DPF3: variants seen among roughly 807,000 people sequenced by gnomAD.
DPF3 encodes zinc finger protein DPF3.
DPF3 carries 18 observed loss-of-function variants against 56.8 expected under a neutral mutation model. That is an observed-to-expected ratio of 0.32 (90% CI 0.22 to 0.47). The LOEUF is 0.47. Among genes scored for constraint, DPF3 ranks in the 20% least tolerant of loss-of-function variants. The probability of loss-of-function intolerance (pLI) is 1.00; values close to 1 mark genes in which losing one functional copy is unlikely to be tolerated. For synonymous variants in DPF3, 188 were observed against 180.2 expected, an observed-to-expected ratio of 1.04 and a Z score of -0.35; for missense variants, 403 against 488.8, an observed-to-expected ratio of 0.82 and a Z score of 1.65.
chr14:72,744,495 C>A (rs1890249712), intron 3 of DPF3, among the ~76,000 whole-genome samples: 1 of 152,120 alleles, frequency 6.6e-6, no homozygotes, highest in Non-Finnish European at 1.5e-5. Flanking sequence ...GCCCAGCTCC[C>A]CACTTTCCAG....
chr14:72,882,156 G>A (rs183664095), intron 1 of DPF3, among the ~76,000 whole-genome samples: 7 of 152,314 alleles, frequency 4.6e-5, no homozygotes, highest in Admixed American at 4.6e-4. Context: ...GGAAGGCAGT[G>A]CAGAGTCAGG....
chr14:72,827,899 C>G (rs544155398), intron 1 of DPF3, among the ~76,000 whole-genome samples: 12 of 152,190 alleles, frequency 7.9e-5, no homozygotes, highest in African/African-American at 2.9e-4. Flanking sequence ...CTGTAGTAAG[C>G]CAAGGTCACA....
intron 2 of DPF3, among the ~76,000 whole-genome samples, chr14:72,762,562 C>A (rs980337648): frequency 2.7e-5 from 4 of 149,896 alleles, no homozygotes; most frequent in African/African-American, 9.8e-5. Context: ...AAAAAAAAAA[C>A]TCTCAAACTA....
At chr14:72,689,467 T>A (rs2153572600) in intron 7 of DPF3, among the ~76,000 whole-genome samples, 1 of 152,186 alleles carries the variant, frequency 6.6e-6, no homozygotes, top group East Asian at 1.9e-4. Context: ...CTCTCCTACC[T>A]GCCCCTCCCC....
At chr14:72,822,345 C>G (rs1430990509) in intron 1 of DPF3, among the ~76,000 whole-genome samples, 1 of 152,158 alleles carries the variant, frequency 6.6e-6, no homozygotes, top group East Asian at 1.9e-4. Flanking sequence ...GATTGCTCCA[C>G]TGCATTCCAG....
chr14:72,798,731 CT>C (rs2139996878), intron 1 of DPF3, among the ~76,000 whole-genome samples: 1 of 152,350 alleles, frequency 6.6e-6, no homozygotes, highest in South Asian at 2.1e-4. Flanking sequence ...AAGTATGGCT[CT>C]TCCACAACCT....
chr14:72,819,816 T>C (rs2140032223), intron 1 of DPF3, among the ~76,000 whole-genome samples: 1 of 152,176 alleles, frequency 6.6e-6, no homozygotes, highest in East Asian at 1.9e-4. Context: ...TATGTACCTG[T>C]GGTCCCAGCT....
intron 3 of DPF3, among the ~76,000 whole-genome samples, chr14:72,748,165 A>G (rs1235558281): frequency 6.6e-6 from 1 of 152,338 alleles, no homozygotes; most frequent in East Asian, 1.9e-4. Context: ...CTTTGCCCCA[A>G]ATGCTGATAG....
At chr14:72,739,436 T>A (rs1040538450) in intron 3 of DPF3, among the ~76,000 whole-genome samples, 7 of 152,172 alleles carry the variant, frequency 4.6e-5, no homozygotes, top group African/African-American at 1.4e-4. Flanking sequence ...ATATGAAGTG[T>A]CTGGCACAGG....
chr14:72,705,520 A>C (rs142391247), intron 6 of DPF3, among the ~76,000 whole-genome samples: 1 of 152,246 alleles, frequency 6.6e-6, no homozygotes, highest in African/African-American at 2.4e-5. Flanking sequence ...GTCCGTGGAA[A>C]AATTTTCTTC....
chr14:72,648,992 C>A (rs1885813915), intron 8 of DPF3, among the ~76,000 whole-genome samples: 1 of 152,134 alleles, frequency 6.6e-6, no homozygotes, highest in African/African-American at 2.4e-5. Context: ...GCCTAGCTCT[C>A]CTCCCACCTC....
chr14:72,866,628 G>C (rs1885680420), intron 1 of DPF3, among the ~76,000 whole-genome samples: 1 of 150,514 alleles, frequency 6.6e-6, no homozygotes, highest in Admixed American at 6.6e-5. Flanking sequence ...AGGCCGAGGA[G>C]GGCGGATCAC....
chr14:72,654,941 A>G (rs761090340), intron 8 of DPF3, among the ~76,000 whole-genome samples: 5 of 152,210 alleles, frequency 3.3e-5, no homozygotes, highest in Non-Finnish European at 4.4e-5. Context: ...GTTGAGATCT[A>G]TGGAGGGTAA....
At chr14:72,694,236 C>T (rs1162515509) in intron 6 of DPF3, among the ~76,000 whole-genome samples, 3 of 152,214 alleles carry the variant, frequency 2.0e-5, no homozygotes, top group African/African-American at 4.8e-5. Context: ...GCAGAAACCT[C>T]GAGAGTCTTC....
At chr14:72,823,188 G>A (rs1883630489) in intron 1 of DPF3, among the ~76,000 whole-genome samples, 1 of 152,200 alleles carries the variant, frequency 6.6e-6, no homozygotes, top group Admixed American at 6.5e-5. Flanking sequence ...CTAGCTGGAC[G>A]CCATCTGGTC....
At chr14:72,697,487 A>G (rs1357903700) in intron 6 of DPF3, among the ~76,000 whole-genome samples, 1 of 152,200 alleles carries the variant, frequency 6.6e-6, no homozygotes, top group Admixed American at 6.5e-5. Context: ...GGGGGCTCAA[A>G]GCACATGCAG....
intron 8 of DPF3, chr14:72,661,011 T>A (rs1465487910): frequency 5.1e-6 from 5 of 975,074 alleles, no homozygotes; most frequent in Non-Finnish European, 6.1e-6. Context: ...CAGGATGAGC[T>A]TGGTTGGTCA....
chr14:72,855,930 G>C (rs1885154358), intron 1 of DPF3, among the ~76,000 whole-genome samples: 3 of 152,208 alleles, frequency 2.0e-5, no homozygotes, highest in Admixed American at 1.3e-4. Flanking sequence ...AATTATATTA[G>C]TGGGCAGGGA....
intron 1 of DPF3, among the ~76,000 whole-genome samples, chr14:72,840,954 G>C (rs939763549): frequency 1.3e-5 from 2 of 152,126 alleles, no homozygotes; most frequent in African/African-American, 4.8e-5. Flanking sequence ...AAATTCCCAG[G>C]CATGGGTCTG....
Sources: allele counts gnomAD v4.1 joint callset (sites outside exome capture counted in the v4.1 genomes callset), GRCh38; gene constraint gnomAD v4.1.1; transcripts MANE v1.5; gene names NCBI Gene and HGNC (gene_info 2026-07-23, HGNC 2026-07-21).